The following RBMS3 variants were observed in gnomAD, a reference collection of about 807,000 sequenced individuals.
RBMS3 encodes RNA-binding motif, single-stranded-interacting protein 3.
RBMS3 carries 27 observed loss-of-function variants against 66.8 expected under a neutral mutation model. The observed-to-expected ratio is 0.40, with a 90% confidence interval of 0.30 to 0.56. RBMS3 has a LOEUF of 0.56. RBMS3 is among the 20% of genes least tolerant of loss of function. The pLI, the probability that RBMS3 is intolerant of heterozygous loss-of-function variation, is 0.40. For missense variants in RBMS3, 513 were observed against 549.5 expected (o/e 0.93, Z 0.66); for synonymous variants, 188 against 183.0 (o/e 1.03, Z -0.22).
intron 6 of RBMS3, among the ~76,000 whole-genome samples, chr3:29,823,470 A>G (rs747696607): frequency 3.3e-5 from 5 of 152,204 alleles, no homozygotes; most frequent in Non-Finnish European, 5.9e-5. Flanking sequence ...GTTGAAAGAC[A>G]TTTAGGTCAT....
chr3:29,915,186 A>G (rs1473405352), intron 10 of RBMS3, among the ~76,000 whole-genome samples: 1 of 151,072 alleles, frequency 6.6e-6, no homozygotes. Context: ...CTTTTACTTT[A>G]TTGACAAGAA....
At chr3:29,938,309 T>C (rs1439992909) in intron 11 of RBMS3, among the ~76,000 whole-genome samples, 1 of 151,980 alleles carries the variant, frequency 6.6e-6, no homozygotes, top group East Asian at 1.9e-4. Flanking sequence ...TCAGTAATAA[T>C]ATATAACATT....
At chr3:29,416,377 A>T (rs2040477689) in intron 1 of RBMS3, among the ~76,000 whole-genome samples, 1 of 152,056 alleles carries the variant, frequency 6.6e-6, no homozygotes, top group African/African-American at 2.4e-5. Context: ...AAAATGGTCA[A>T]TGGCCATCCA....
chr3:29,407,965 CAA>C (rs1197073923), intron 1 of RBMS3, among the ~76,000 whole-genome samples: 2 of 152,038 alleles, frequency 1.3e-5, no homozygotes, highest in African/African-American at 4.8e-5. Context: ...ACTCAATTTT[CAA>C]AGTCATTAGA....
intron 1 of RBMS3, among the ~76,000 whole-genome samples, chr3:29,368,494 A>T (rs1167010248): frequency 6.6e-6 from 1 of 152,096 alleles, no homozygotes; most frequent in African/African-American, 2.4e-5. Flanking sequence ...GAATTCCTGA[A>T]TTCTAAAAGG....
At chr3:29,284,362 G>GT (rs2125410437) in intron 1 of RBMS3, among the ~76,000 whole-genome samples, 2 of 152,142 alleles carry the variant, frequency 1.3e-5, no homozygotes, top group South Asian at 2.1e-4. Context: ...ACTATCATTA[G>GT]TTTTTTGGGG....
chr3:29,382,517 G>T (rs573403739), intron 1 of RBMS3, among the ~76,000 whole-genome samples: 5 of 152,234 alleles, frequency 3.3e-5, no homozygotes, highest in African/African-American at 1.2e-4. Context: ...ATTATGTGTG[G>T]GGGAGAGGAA....
At chr3:29,694,409 C>T (rs1347948824) in intron 4 of RBMS3, among the ~76,000 whole-genome samples, 4 of 152,080 alleles carry the variant, frequency 2.6e-5, no homozygotes, top group Non-Finnish European at 4.4e-5. Flanking sequence ...AAACCTTTTA[C>T]AATTGTTCGT....
chr3:29,784,107 T>C (rs531087446), intron 6 of RBMS3, among the ~76,000 whole-genome samples: 5 of 152,158 alleles, frequency 3.3e-5, no homozygotes, highest in South Asian at 4.1e-4. Context: ...GTGGGGACTT[T>C]AATACTCCAC....
chr3:29,952,207 T>A (rs192568822), intron 12 of RBMS3, among the ~76,000 whole-genome samples: 1 of 151,854 alleles, frequency 6.6e-6, no homozygotes, highest in Non-Finnish European at 1.5e-5. Flanking sequence ...CTCAACGTTA[T>A]GGCATTTAGA....
chr3:29,459,118 C>T (rs9811341), intron 2 of RBMS3, among the ~76,000 whole-genome samples: 95,588 of 152,032 alleles, frequency 0.63, 31,187 homozygotes, highest in African/African-American at 0.8. Context: ...ATTTGTTCCT[C>T]TGGACAACTG....
At chr3:29,666,084 G>A (rs1460144858) in intron 4 of RBMS3, among the ~76,000 whole-genome samples, 1 of 152,078 alleles carries the variant, frequency 6.6e-6, no homozygotes, top group Non-Finnish European at 1.5e-5. Flanking sequence ...GAGCCCGTGT[G>A]TACTGGCATT....
intron 4 of RBMS3, among the ~76,000 whole-genome samples, chr3:29,703,641 T>G (rs2052735982): frequency 6.6e-6 from 1 of 152,228 alleles, no homozygotes; most frequent in African/African-American, 2.4e-5. Flanking sequence ...TCTATCAAGT[T>G]AATTGCTATT....
At chr3:29,470,546 GCTTT>G (rs1190669340) in intron 2 of RBMS3, among the ~76,000 whole-genome samples, 2 of 151,868 alleles carry the variant, frequency 1.3e-5, no homozygotes, top group Admixed American at 6.6e-5. Flanking sequence ...AGATTTCCAT[GCTTT>G]CTGATTTTTT....
At chr3:29,396,124 C>T (rs551939203) in intron 1 of RBMS3, among the ~76,000 whole-genome samples, 18 of 152,042 alleles carry the variant, frequency 1.2e-4, no homozygotes, top group African/African-American at 2.7e-4. Flanking sequence ...TGGATAGAGG[C>T]GCAGCTGGAT....
intron 4 of RBMS3, among the ~76,000 whole-genome samples, chr3:29,661,804 C>A (rs2050563375): frequency 6.6e-6 from 1 of 152,118 alleles, no homozygotes; most frequent in African/African-American, 2.4e-5. Flanking sequence ...AAGAGGGTTG[C>A]CCTTCATTCT....
intron 6 of RBMS3, among the ~76,000 whole-genome samples, chr3:29,864,438 C>G (rs550862231): frequency 2.0e-5 from 3 of 152,318 alleles, no homozygotes; most frequent in African/African-American, 7.2e-5. Context: ...CAAGCTATAG[C>G]AAACAAGAAC....
At position 29,744,785 on chromosome 3, in the gene RBMS3, G is replaced by GGAA. The variant is rs34726699; in HGVS notation, c.557+4908_557+4909insGAA. On this transcript the variant is annotated intron_variant, in intron 5 of 14. Coordinates refer to ENST00000383767, the MANE Select transcript of RBMS3 (RefSeq NM_001003793.3). ...CACGATAGTGTAAGACTCCGTCTCG[G>GGAA]AAAAAAAAAAAAAAAAGTGCTTATT... 4.9e-3 allele frequency among the ~76,000 whole-genome samples: 671 copies of GGAA among 138,164 alleles called. 12 individuals carry two copies. Among genetic ancestry groups the GGAA allele is most frequent in the African/African-American group, 9.0e-3 (336 of 37,392 alleles). 90.6% of individuals were successfully genotyped at this position (138,164 alleles called of 152,430 possible).
Position 29,887,544 on chromosome 3 carries a change from T to C in RBMS3, c.791+3336T>C, listed in dbSNP as rs559659696. On this transcript the variant is annotated intron_variant, in intron 8 of 14. Coordinates refer to ENST00000383767, the MANE Select transcript of RBMS3 (RefSeq NM_001003793.3). ...CCTTCTGCCATGACTGTACATTTCC[T>C]GAGGCCTCCCCAACCGTGCTGAACT... is the stretch of plus-strand genomic sequence containing the variant. 1.8e-4 allele frequency among the ~76,000 whole-genome samples: 27 copies of C among 151,952 alleles called. No homozygotes were observed. In the East Asian group the frequency reaches 5.2e-3, roughly 30 times the overall value.
Sources: allele counts gnomAD v4.1 joint callset (sites outside exome capture counted in the v4.1 genomes callset), GRCh38; gene constraint gnomAD v4.1.1; transcripts MANE v1.5; gene names NCBI Gene and HGNC (gene_info 2026-07-23, HGNC 2026-07-21).